Variants in DIAPH1 observed in about 807,000 individuals in gnomAD.
The protein encoded by DIAPH1 is protein diaphanous homolog 1.
A neutral mutation model predicts 140.7 loss-of-function variants in DIAPH1; 46 were observed. The observed-to-expected ratio is 0.33, with a 90% CI of 0.26 to 0.42. DIAPH1 has a LOEUF of 0.42. DIAPH1 is among the 10% of genes least tolerant of loss of function. The pLI, the probability that DIAPH1 is intolerant of heterozygous loss-of-function variation, is 1.00. For missense variants in DIAPH1, 1,310 were observed against 1,558.7 expected (o/e 0.84, Z 2.69); for synonymous variants, 565 against 551.6 (o/e 1.02, Z -0.34).
At chr5:141,592,484 A>AGTTAAC (rs1171217680) in intron 1 of DIAPH1, among the ~76,000 whole-genome samples, 1 of 126,006 alleles carries the variant, frequency 7.9e-6, no homozygotes, top group Non-Finnish European at 1.6e-5. Context: ...GATCATGACA[A>AGTTAAC]GTTAACAACA....
chr5:141,526,131 T>C lies in DIAPH1; in HGVS notation c.3481A>G (p.Lys1161Glu). 6.2e-7 allele frequency: 1 copy of C among 1,614,146 alleles called. No individual in the cohort carries two copies. Among genetic ancestry groups the C allele is most frequent in the Non-Finnish European group, 8.5e-7 (1 of 1,180,036 alleles). ...ENQKRRETEE[K>E]MRRAKLAKEK... The stretch of plus-strand genomic sequence containing the variant: ...TTGGCTAGTTTTGCTCGCCTCATCT[T>C]TTCTTCTGTCTCCCGCCGCTTCTGG... Residue 1161 changes from lysine (K) to glutamate (E), a missense_variant, in exon 26 of 28, where the codon AAG becomes GAG. By Grantham distance (56) the Lys-to-Glu change is moderately conservative. Coordinates refer to ENST00000389054, the MANE Select transcript of DIAPH1 (RefSeq NM_005219.5).
intron 17 of DIAPH1, 149 bp from the exon 18 acceptor site, chr5:141,571,585 T>C (rs942814678): frequency 4.0e-5 from 29 of 730,284 alleles, no homozygotes; most frequent in Middle Eastern, 2.4e-4. Context: ...TTATTAATTA[T>C]GTACTTAGAA....
intron 1 of DIAPH1, among the ~76,000 whole-genome samples, chr5:141,613,523 A>G (rs2099902172): frequency 6.6e-6 from 1 of 152,234 alleles, no homozygotes; most frequent in Admixed American, 6.5e-5. Context: ...CTACAACTGC[A>G]GAAGTGACTG....
At chr5:141,551,687 A>G (rs1045723862) in intron 18 of DIAPH1, among the ~76,000 whole-genome samples, 1 of 152,226 alleles carries the variant, frequency 6.6e-6, no homozygotes, top group Non-Finnish European at 1.5e-5. Flanking sequence ...ATATAAAATA[A>G]AACCAAATAG....
At chr5:141,589,523 A>C (rs947950732) in intron 1 of DIAPH1, among the ~76,000 whole-genome samples, 1 of 152,014 alleles carries the variant, frequency 6.6e-6, no homozygotes, top group African/African-American at 2.4e-5. Flanking sequence ...TAAATATAAT[A>C]TTGAATTATT....
intron 1 of DIAPH1, among the ~76,000 whole-genome samples, chr5:141,595,940 T>C (rs528545195): frequency 2.0e-5 from 3 of 152,276 alleles, no homozygotes; most frequent in Admixed American, 2.0e-4. Flanking sequence ...TCCCGGCACT[T>C]TGGGAGGCTG....
chr5:141,590,944 C>G (rs1327817529), intron 1 of DIAPH1, among the ~76,000 whole-genome samples: 1 of 152,178 alleles, frequency 6.6e-6, no homozygotes, highest in Non-Finnish European at 1.5e-5. Context: ...ATTCTCCATA[C>G]TATATCCAAG....
At chr5:141,613,858 T>C (rs181744847) in intron 1 of DIAPH1, among the ~76,000 whole-genome samples, 1 of 152,336 alleles carries the variant, frequency 6.6e-6, no homozygotes, top group East Asian at 1.9e-4. Context: ...TTTTAAGAAA[T>C]TTTATTATCA....
chr5:141,609,948 C>T (rs1342517778), intron 1 of DIAPH1, among the ~76,000 whole-genome samples: 2 of 152,170 alleles, frequency 1.3e-5, no homozygotes, highest in African/African-American at 4.8e-5. Flanking sequence ...GTGGAACTCA[C>T]ATATGCATGA....
At chr5:141,612,741 T>C (rs548293627) in intron 1 of DIAPH1, among the ~76,000 whole-genome samples, 2 of 152,330 alleles carry the variant, frequency 1.3e-5, no homozygotes, top group African/African-American at 4.8e-5. Flanking sequence ...TGAATAAATA[T>C]GCAGTTTATT....
chr5:141,588,294 G>A (rs2099897849), intron 1 of DIAPH1, 44 bp from the exon 2 acceptor site: 2 of 1,528,126 alleles, frequency 1.3e-6, no homozygotes, highest in Admixed American at 1.7e-5. Flanking sequence ...AGAGAAATCA[G>A]TGAAGTACAA....
At chr5:141,536,554 T>C (rs1009868370) in intron 18 of DIAPH1, among the ~76,000 whole-genome samples, 3 of 151,588 alleles carry the variant, frequency 2.0e-5, no homozygotes, top group Non-Finnish European at 4.4e-5. Context: ...TCATAGCTGC[T>C]GTGAAAAGAA....
chr5:141,571,183 C>T (rs564449207), intron 18 of DIAPH1, among the ~76,000 whole-genome samples: 31 of 152,276 alleles, frequency 2.0e-4, no homozygotes, highest in Middle Eastern at 6.8e-3. Flanking sequence ...TGTCCCTCAC[C>T]TTCTAAAGAG....
intron 18 of DIAPH1, among the ~76,000 whole-genome samples, chr5:141,544,418 T>C (rs576203680): frequency 2.6e-5 from 4 of 152,228 alleles, no homozygotes; most frequent in Non-Finnish European, 4.4e-5. Context: ...TTTGAAGCCA[T>C]TATTAAGAAA....
chr5:141,528,569 T>G lies in DIAPH1; in HGVS notation c.3032A>C (p.Lys1011Thr). Residue 1011 changes from lysine (K) to threonine (T), a missense_variant, in exon 23 of 28, where the codon AAG becomes ACG. Lys to Thr is a moderately conservative substitution (Grantham distance 78). This residue lies in a region of DIAPH1 where 344 missense variants were observed against 512.2 expected (regional missense o/e 0.67). Transcript: ENST00000389054. ...ISFLCKLRDT[K>T]STDQKMTLLH... is the part of the protein sequence containing the mutation. ...CAACGTCATCTTCTGATCTGTGGAC[T>G]TGGTGTCTCGAAGCTTAGAGAAAGA... 3.1e-6 allele frequency: 5 copies of G among 1,614,200 alleles called. No individual in the cohort carries two copies. Among genetic ancestry groups the G allele is most frequent in the Non-Finnish European group, 4.2e-6 (5 of 1,180,020 alleles).
chr5:141,577,326 A>G (rs1426608512), intron 12 of DIAPH1, 149 bp downstream of exon 12: 1 of 730,744 alleles, frequency 1.4e-6, no homozygotes, highest in Non-Finnish European at 2.5e-6. Flanking sequence ...AAGAAATAAG[A>G]CAACTTCCTT....
chr5:141,583,176 T>C (rs2099897032), intron 6 of DIAPH1, 30 bp downstream of exon 6: 1 of 1,593,012 alleles, frequency 6.3e-7, no homozygotes, highest in East Asian at 2.2e-5. Flanking sequence ...ACTCTCCAAC[T>C]TGAAGTTGCA....
chr5:141,579,513 T>C (rs1244588324), intron 8 of DIAPH1, among the ~76,000 whole-genome samples: 1 of 152,206 alleles, frequency 6.6e-6, no homozygotes, highest in African/African-American at 2.4e-5. Context: ...CAATTTCTCA[T>C]GCATGTAACA....
At chr5:141,552,419 C>G (rs1476349672) in intron 18 of DIAPH1, among the ~76,000 whole-genome samples, 1 of 152,038 alleles carries the variant, frequency 6.6e-6, no homozygotes, top group Non-Finnish European at 1.5e-5. Flanking sequence ...ATGACAGAAG[C>G]AGAGGTCAGA....
Sources: gnomAD v4.1 joint callset for allele counts (sites outside exome capture counted in the v4.1 genomes callset) on GRCh38, gnomAD v4.1.1 for gene constraint, gnomAD v4.1.1 regional missense constraint, MANE v1.5 for transcripts, NCBI Gene and HGNC (gene_info 2026-07-23, HGNC 2026-07-21) for gene names.